Variants in WASHC2C observed in about 807,000 individuals in gnomAD.
WASHC2C encodes WASH complex subunit 2C, also known as Vaccinia Penetration Factor.
Under a neutral mutation model 142.2 loss-of-function variants are expected in WASHC2C, and 73 were observed. That is an observed-to-expected ratio of 0.51 (90% CI 0.43 to 0.62). The LOEUF is 0.62. Among genes scored for constraint, WASHC2C ranks in the 20% least tolerant of loss-of-function variants. The probability of loss-of-function intolerance (pLI) is 0.00; values close to 1 mark genes in which losing one functional copy is unlikely to be tolerated. For missense variants in WASHC2C, 969 were observed against 1,531.7 expected, an observed-to-expected ratio of 0.63 and a Z score of 6.13; for synonymous variants, 337 against 565.5, an observed-to-expected ratio of 0.60 and a Z score of 5.73.
At chr10:45,765,846 T>G (rs1554882148) in intron 19 of WASHC2C, 36 bp downstream of exon 19, 1 of 1,611,546 alleles carries the variant, frequency 6.2e-7, no homozygotes, top group East Asian at 2.2e-5. Context: ...GAGGGGATTA[T>G]TTCATGGGAT....
intron 5 of WASHC2C, among the ~76,000 whole-genome samples, chr10:45,741,474 C>G (rs1267595037): frequency 2.6e-5 from 4 of 151,370 alleles, no homozygotes; most frequent in African/African-American, 9.7e-5. Flanking sequence ...TTTTTTTCCC[C>G]TTGCAGAGAA....
chr10:45,771,597 A>G, intron 20 of WASHC2C: 1 of 973,916 alleles, frequency 1.0e-6, no homozygotes, highest in Non-Finnish European at 1.2e-6. Context: ...TCCTGGTTCC[A>G]GCCACACACC....
At chr10:45,754,595 TG>T (rs1414573020) in intron 14 of WASHC2C, 50 bp downstream of exon 14, 1 of 1,482,672 alleles carries the variant, frequency 6.7e-7, no homozygotes, top group Non-Finnish European at 9.1e-7. Context: ...TACTGTTTTT[TG>T]CATTTCAAAA....
intron 3 of WASHC2C, among the ~76,000 whole-genome samples, chr10:45,730,689 C>A (rs1465669050): frequency 6.6e-6 from 1 of 150,928 alleles, no homozygotes; most frequent in Non-Finnish European, 1.5e-5. Flanking sequence ...GTGCGATCTC[C>A]GCTCACTGCA....
In WASHC2C at chr10:45,727,351, C is replaced by T. The variant is rs759281013; in HGVS notation, c.3+31C>T. The T allele has an allele frequency of 1.9e-6, 3 of 1,599,060 alleles. No individual in the cohort carries two copies. In the South Asian group the frequency reaches 3.3e-5, roughly 18 times the overall value. The stretch of plus-strand genomic sequence containing the variant: ...GGCGGCGGGCCGGAGAGGGGCCGGC[C>T]TGGGCTGGGGCCGCCGTCCCTGCCG... On this transcript the variant is annotated intron_variant, in intron 1 of 30. Transcript: ENST00000623400.
chr10:45,792,160 C>G, intron 30 of WASHC2C, 101 bp from the exon 31 acceptor site: 4 of 1,283,520 alleles, frequency 3.1e-6, no homozygotes, highest in Non-Finnish European at 4.4e-6. Context: ...GTACTCCATG[C>G]TGTTACGAGA....
chr10:45,784,101 T>C (rs1415107330), intron 23 of WASHC2C, among the ~76,000 whole-genome samples: 5 of 151,834 alleles, frequency 3.3e-5, no homozygotes, highest in Non-Finnish European at 7.4e-5. Flanking sequence ...TTCAGTTGTA[T>C]GTTTTTTACC....
intron 15 of WASHC2C, 88 bp from the exon 16 acceptor site, chr10:45,756,924 C>T: frequency 9.9e-7 from 1 of 1,014,856 alleles, no homozygotes; most frequent in Non-Finnish European, 1.4e-6. Context: ...TATGTTTATT[C>T]TTTGGGAGGG....
chr10:45,746,539 A>G, intron 7 of WASHC2C, 61 bp from the exon 8 acceptor site: 13 of 1,583,622 alleles, frequency 8.2e-6, no homozygotes, highest in South Asian at 5.5e-5. Context: ...TAGACCTGCA[A>G]TCATTTCTGT....
At position 45,789,007 on chromosome 10, in the gene WASHC2C, C is replaced by T; in HGVS notation, c.3224C>T (p.Ser1075Phe). ...PIAQWADGAI[S>F]PNGHRPQLRA... is the part of the protein sequence containing the mutation. ...GCACAGTGGGCTGATGGCGCCATTT[C>T]CCCAAATGGCCATCGGCCACAGCTC... is the stretch of plus-strand genomic sequence containing the variant. Residue 1075 changes from serine (S) to phenylalanine (F), a missense_variant, in exon 29 of 31, where the codon TCC (serine) becomes TTC (phenylalanine). Ser to Phe is a radical substitution (Grantham distance 155, BLOSUM62 -2). Transcript: ENST00000623400. 6.2e-7 allele frequency: 1 copy of T among 1,612,016 alleles called. No homozygotes were observed. The highest frequency in any genetic ancestry group is 8.5e-7 in the Non-Finnish European group (1 of 1,179,846).
rs868951188 is a variant in WASHC2C, at chr10:45,765,926, C to T, written c.1869+116C>T. 3.0e-3 allele frequency: 4,243 copies of T among 1,431,774 alleles called. 18 individuals carry two copies. The African/African-American group carries it at 0.047, about 16-fold the overall frequency. The allele number at this position is 1,431,774 out of a possible 1,614,324, so 88.7% of individuals were successfully genotyped here. The stretch of plus-strand genomic sequence containing the variant: ...TCTCGTGATGTTCAGTCACCAAAGG[C>T]GATGTTCACAAGATTGTCTTTTCTG... On this transcript the variant is annotated intron_variant, in intron 19 of 30. Transcript: ENST00000623400.
At chr10:45,766,818 T>G (rs2596991) in intron 19 of WASHC2C, among the ~76,000 whole-genome samples, 179 of 152,182 alleles carry the variant, frequency 1.2e-3, no homozygotes, top group African/African-American at 3.6e-3. Flanking sequence ...ATCCTGAGTA[T>G]TAAACATCTT....
chr10:45,754,372 A>G (rs2879155), intron 13 of WASHC2C, 114 bp from the exon 14 acceptor site: 34,822 of 1,525,242 alleles, frequency 0.023, 821 homozygotes, highest in African/African-American at 0.087. Flanking sequence ...AGGAAAAAGT[A>G]GTTTCAAAAG....
chr10:45,733,797 C>T (rs2050886786), intron 3 of WASHC2C, among the ~76,000 whole-genome samples: 1 of 152,060 alleles, frequency 6.6e-6, no homozygotes, highest in East Asian at 1.9e-4. Flanking sequence ...AAAGTAATCC[C>T]TGATCTTTAT....
At chr10:45,759,012 C>T (rs1477480418) in intron 16 of WASHC2C, among the ~76,000 whole-genome samples, 1 of 150,174 alleles carries the variant, frequency 6.7e-6, no homozygotes, top group Admixed American at 6.7e-5. Context: ...TAAGGCCCAG[C>T]ATTCAGAACC....
At position 45,784,311 on chromosome 10, in the gene WASHC2C, T is replaced by TAC. The variant is rs1554889101; in HGVS notation, c.2479-246_2479-245dup. Among the ~76,000 whole-genome samples the TAC allele has an allele frequency of 8.1e-4, 47 of 58,132 alleles. 2 individuals carry two copies. The highest frequency in any genetic ancestry group is 3.1e-3 in the African/African-American group (47 of 15,168). The allele number at this position is 58,132 out of a possible 152,430, so 38.1% of individuals were successfully genotyped here. On this transcript the variant is annotated intron_variant, in intron 23 of 30. Transcript: ENST00000623400. ...ATATACACATATATATATATATATA[T>TAC]ACACACACATATATATATATATGTA... is the stretch of plus-strand genomic sequence containing the variant.
At chr10:45,734,479 G>A (rs1256311800) in intron 3 of WASHC2C, among the ~76,000 whole-genome samples, 5 of 151,078 alleles carry the variant, frequency 3.3e-5, no homozygotes, top group South Asian at 2.1e-4. Context: ...TTCTTAAACC[G>A]TATCATAATT....
At chr10:45,784,266 A>ATATATATATGTG (rs1564819512) in intron 23 of WASHC2C, among the ~76,000 whole-genome samples, 2 of 5,204 alleles carry the variant, frequency 3.8e-4, no homozygotes, top group African/African-American at 7.3e-4. Context: ...ATATATATAT[A>ATATATATATGTG]TATATATATA....
At chr10:45,784,293 C>CACACATAT (rs1305333868) in intron 23 of WASHC2C, among the ~76,000 whole-genome samples, 2,837 of 63,470 alleles carry the variant, frequency 0.045, 196 homozygotes, top group Middle Eastern at 0.15. Context: ...TATATATACA[C>CACACATAT]ATATATATAT....
Sources: gnomAD v4.1 joint callset for allele counts (sites outside exome capture counted in the v4.1 genomes callset) on GRCh38, gnomAD v4.1.1 for gene constraint, MANE v1.5 for transcripts, NCBI Gene and HGNC (gene_info 2026-07-23, HGNC 2026-07-21) for gene names.